NTM: variants seen among roughly 807,000 people sequenced by gnomAD.
NTM encodes neurotrimin, also known as IgLON family member 2.
A neutral mutation model predicts 42.1 loss-of-function variants in NTM; 13 were observed. The ratio of observed to expected loss-of-function variants is 0.31; its 90% CI spans 0.20 to 0.49. The LOEUF is 0.49. NTM is among the 20% of genes least tolerant of loss of function. The probability of loss-of-function intolerance (pLI) is 0.99; values close to 1 mark genes in which losing one functional copy is unlikely to be tolerated. For missense variants in NTM, 373 were observed against 452.8 expected (o/e 0.82, Z 1.60); for synonymous variants, 187 against 179.2 (o/e 1.04, Z -0.35).
chr11:131,803,332 C>T (rs1243659235), intron 1 of NTM, among the ~76,000 whole-genome samples: 1 of 151,238 alleles, frequency 6.6e-6, no homozygotes, highest in Admixed American at 6.6e-5. Context: ...TTCAGAGTCT[C>T]ACTCTGTCGC....
At chr11:132,321,957 A>C (rs377212358) in intron 7 of NTM, among the ~76,000 whole-genome samples, 2 of 150,382 alleles carry the variant, frequency 1.3e-5, no homozygotes, top group Admixed American at 6.7e-5. Flanking sequence ...GAAATAAAAT[A>C]CTTTACAGAC....
At chr11:131,967,704 C>T (rs945406486) in intron 2 of NTM, among the ~76,000 whole-genome samples, 3 of 152,166 alleles carry the variant, frequency 2.0e-5, no homozygotes, top group Non-Finnish European at 4.4e-5. Context: ...GTGTTTTCTT[C>T]TCTCTCTTTT....
chr11:132,201,884 A>C (rs2081215317), intron 3 of NTM, among the ~76,000 whole-genome samples: 2 of 152,200 alleles, frequency 1.3e-5, no homozygotes, highest in African/African-American at 4.8e-5. Context: ...GGCTTCGAGC[A>C]CATCATTAGC....
At chr11:131,391,115 G>A (rs1227180867) in intron 1 of NTM, among the ~76,000 whole-genome samples, 1 of 152,300 alleles carries the variant, frequency 6.6e-6, no homozygotes, top group Admixed American at 6.5e-5. Context: ...AATGTTTTAT[G>A]TGTGATATTT....
rs78028699 is a variant in NTM, at chr11:132,053,533, C to T, written c.168-92749C>T. 7.3e-3 allele frequency among the ~76,000 whole-genome samples: 1,110 copies of T among 152,194 alleles called. 14 individuals carry two copies. Among genetic ancestry groups the T allele is most frequent in the African/African-American group, 0.025 (1,049 of 41,504 alleles). On this transcript the variant is annotated intron_variant, in intron 2 of 8. Transcript: ENST00000683400. ...AGGAAAAGAATTCTGAAATTCTATACCAAGCTGTTAGGTGTTTTCCTTGGA... is the reference window on the plus strand; with the variant it reads ...AGGAAAAGAATTCTGAAATTCTATATCAAGCTGTTAGGTGTTTTCCTTGGA...
At chr11:131,464,039 A>G (rs953964078) in intron 1 of NTM, among the ~76,000 whole-genome samples, 4 of 152,242 alleles carry the variant, frequency 2.6e-5, no homozygotes, top group Non-Finnish European at 1.5e-5. Flanking sequence ...CTTTCTAGGC[A>G]GTTTCCCCGT....
intron 1 of NTM, among the ~76,000 whole-genome samples, chr11:131,790,307 G>A (rs140686351): frequency 6.6e-6 from 1 of 152,106 alleles, no homozygotes; most frequent in Non-Finnish European, 1.5e-5. Flanking sequence ...AAAAACACAT[G>A]CCATTTTGCA....
At chr11:131,826,496 C>T (rs1034774841) in intron 1 of NTM, among the ~76,000 whole-genome samples, 6 of 150,936 alleles carry the variant, frequency 4.0e-5, no homozygotes, top group East Asian at 2.0e-4. Context: ...AGGTTGCAGA[C>T]GGCAGTGTCC....
intron 1 of NTM, among the ~76,000 whole-genome samples, chr11:131,770,442 A>T (rs958471610): frequency 6.6e-6 from 1 of 152,216 alleles, no homozygotes; most frequent in African/African-American, 2.4e-5. Context: ...ACAAAACACA[A>T]GTCTCAGGCT....
chr11:132,050,981 A>T (rs504027), intron 2 of NTM, among the ~76,000 whole-genome samples: 49,341 of 152,124 alleles, frequency 0.32, 8,837 homozygotes, highest in East Asian at 0.79. Flanking sequence ...CCCTGCAGCA[A>T]GTCGGGGGTG....
intron 2 of NTM, among the ~76,000 whole-genome samples, chr11:132,113,072 T>C (rs1259303397): frequency 6.6e-6 from 1 of 152,160 alleles, no homozygotes; most frequent in Non-Finnish European, 1.5e-5. Context: ...CTAGGTATTG[T>C]TTATAGCTGG....
At chr11:131,438,575 G>C (rs1949340157) in intron 1 of NTM, among the ~76,000 whole-genome samples, 1 of 152,096 alleles carries the variant, frequency 6.6e-6, no homozygotes, top group Non-Finnish European at 1.5e-5. Flanking sequence ...GATCGAATCG[G>C]CTGTTGAAGT....
intron 6 of NTM, among the ~76,000 whole-genome samples, chr11:132,314,060 C>T (rs1278534238): frequency 6.6e-6 from 1 of 151,882 alleles, no homozygotes; most frequent in African/African-American, 2.4e-5. Flanking sequence ...GCTTCTGGTG[C>T]TTCAGGAGAA....
At chr11:132,264,801 A>G (rs529406542) in intron 4 of NTM, among the ~76,000 whole-genome samples, 2 of 152,296 alleles carry the variant, frequency 1.3e-5, no homozygotes, top group African/African-American at 2.4e-5. Context: ...TCCGACAGAC[A>G]TAACTGCCAA....
chr11:132,242,936 C>A (rs926387520), intron 4 of NTM, among the ~76,000 whole-genome samples: 20 of 152,140 alleles, frequency 1.3e-4, no homozygotes, highest in Non-Finnish European at 2.2e-4. Flanking sequence ...GAGAGTAGCA[C>A]AGCTGTATTT....
chr11:131,586,945 T>C (rs566133107), intron 1 of NTM, among the ~76,000 whole-genome samples: 2 of 152,262 alleles, frequency 1.3e-5, no homozygotes, highest in East Asian at 3.9e-4. Context: ...CAATCTACTA[T>C]ATCAAATTAA....
intron 1 of NTM, among the ~76,000 whole-genome samples, chr11:131,459,608 C>T (rs1951196919): frequency 6.6e-6 from 1 of 152,224 alleles, no homozygotes. Flanking sequence ...TAACCTAACT[C>T]ATTTCCTTTT....
intron 2 of NTM, among the ~76,000 whole-genome samples, chr11:131,957,455 T>G (rs2061672861): frequency 6.6e-6 from 1 of 152,140 alleles, no homozygotes. Flanking sequence ...CACAGTCCAC[T>G]TTGCATCCCA....
chr11:132,068,989 C>G (rs535706780), intron 2 of NTM, among the ~76,000 whole-genome samples: 35 of 152,336 alleles, frequency 2.3e-4, no homozygotes, highest in African/African-American at 8.4e-4. Flanking sequence ...ACAGCAATGA[C>G]GAGATTAGTA....
Sources: allele counts gnomAD v4.1 joint callset (sites outside exome capture counted in the v4.1 genomes callset), GRCh38; gene constraint gnomAD v4.1.1; transcripts MANE v1.5; gene names NCBI Gene and HGNC (gene_info 2026-07-23, HGNC 2026-07-21).